Variants in KLHL1 observed in about 807,000 individuals in gnomAD.
The protein encoded by KLHL1 is kelch-like protein 1.
In KLHL1, 47 loss-of-function variants were observed where a neutral mutation model predicts 77.7. That is an observed-to-expected ratio of 0.60 (90% CI 0.48 to 0.77). The LOEUF (loss-of-function observed/expected upper bound fraction) is 0.77, where lower values mean the gene tolerates loss of function less well. Among genes scored for constraint, KLHL1 ranks in the 30% least tolerant of loss-of-function variants. KLHL1 has a pLI of 0.00. For synonymous variants in KLHL1, 360 were observed against 325.2 expected (o/e 1.11, Z -1.15); for missense variants, 925 against 910.8 (o/e 1.02, Z -0.20).
intron 7 of KLHL1, among the ~76,000 whole-genome samples, chr13:69,756,018 A>T (rs868694927): frequency 4.6e-5 from 7 of 152,102 alleles, no homozygotes; most frequent in African/African-American, 1.4e-4. Context: ...TTGGGCCGTT[A>T]GTGGAATTTA....
chr13:69,732,375 T>A (rs1335152771), intron 8 of KLHL1, among the ~76,000 whole-genome samples: 3 of 152,120 alleles, frequency 2.0e-5, no homozygotes, highest in African/African-American at 7.2e-5. Context: ...ATCGTTAAAA[T>A]GAATCTCCAA....
chr13:70,068,142 C>T (rs889941112), intron 1 of KLHL1, among the ~76,000 whole-genome samples: 3 of 151,332 alleles, frequency 2.0e-5, no homozygotes, highest in African/African-American at 7.3e-5. Flanking sequence ...GAGATCGAGA[C>T]CATCCTGGCT....
intron 1 of KLHL1, among the ~76,000 whole-genome samples, chr13:69,996,724 T>C (rs1002974098): frequency 2.0e-5 from 3 of 152,002 alleles, no homozygotes; most frequent in African/African-American, 7.2e-5. Flanking sequence ...CTTTTCCATA[T>C]GTGATATTGC....
intron 1 of KLHL1, among the ~76,000 whole-genome samples, chr13:70,008,440 T>C (rs887604774): frequency 9.9e-5 from 15 of 152,106 alleles, no homozygotes; most frequent in Admixed American, 1.3e-4. Context: ...ATCTATCTAC[T>C]ATGCCTGGTA....
At chr13:70,060,727 T>C (rs1306647952) in intron 1 of KLHL1, among the ~76,000 whole-genome samples, 3 of 151,956 alleles carry the variant, frequency 2.0e-5, no homozygotes, top group African/African-American at 7.3e-5. Context: ...GCGCCTGTAA[T>C]CCCAGCTACT....
At chr13:70,058,494 T>C (rs1189318886) in intron 1 of KLHL1, among the ~76,000 whole-genome samples, 1 of 152,066 alleles carries the variant, frequency 6.6e-6, no homozygotes, top group African/African-American at 2.4e-5. Flanking sequence ...ACAAATAAAA[T>C]ACTTATGAAT....
chr13:69,953,102 TTGAA>T (rs1194870103), intron 3 of KLHL1, among the ~76,000 whole-genome samples: 2 of 151,322 alleles, frequency 1.3e-5, no homozygotes, highest in African/African-American at 2.4e-5. Context: ...ATGTTAATAA[TTGAA>T]TGTTGTAATA....
At chr13:70,048,840 G>A (rs1886562791) in intron 1 of KLHL1, among the ~76,000 whole-genome samples, 1 of 152,192 alleles carries the variant, frequency 6.6e-6, no homozygotes, top group African/African-American at 2.4e-5. Flanking sequence ...GACCAGTACT[G>A]GTCTGTGGGC....
At chr13:70,010,254 A>G (rs112095505) in intron 1 of KLHL1, among the ~76,000 whole-genome samples, 4 of 152,168 alleles carry the variant, frequency 2.6e-5, no homozygotes, top group Admixed American at 2.6e-4. Flanking sequence ...CACTAGTGTT[A>G]TGTATAGAAT....
chr13:69,938,562 G>A (rs1385025303), intron 4 of KLHL1, among the ~76,000 whole-genome samples: 2 of 151,992 alleles, frequency 1.3e-5, no homozygotes, highest in African/African-American at 4.8e-5. Context: ...TATCCCTCTG[G>A]ATATGGAGGC....
chr13:69,929,823 C>A (rs556052353), intron 4 of KLHL1, among the ~76,000 whole-genome samples: 2 of 151,684 alleles, frequency 1.3e-5, no homozygotes, highest in Non-Finnish European at 3.0e-5. Flanking sequence ...CATTACATTG[C>A]CTTTTCTAAA....
intron 6 of KLHL1, among the ~76,000 whole-genome samples, chr13:69,829,495 C>A (rs1316614746): frequency 6.7e-6 from 1 of 149,876 alleles, no homozygotes; most frequent in Non-Finnish European, 1.5e-5. Flanking sequence ...TAAGAAGGAA[C>A]CAGAAAAACA....
chr13:69,800,798 A>G (rs1877341632), intron 6 of KLHL1, among the ~76,000 whole-genome samples: 1 of 152,170 alleles, frequency 6.6e-6, no homozygotes, highest in Non-Finnish European at 1.5e-5. Flanking sequence ...GGACAAAGTC[A>G]GTCGTGAGTA....
intron 3 of KLHL1, among the ~76,000 whole-genome samples, chr13:69,948,095 CA>C (rs202083508): frequency 3.3e-5 from 5 of 149,842 alleles, no homozygotes; most frequent in South Asian, 2.1e-4. Flanking sequence ...AGATTGTTTT[CA>C]AAAAAAAATG....
At chr13:69,957,749 T>C (rs1333793207) in intron 3 of KLHL1, among the ~76,000 whole-genome samples, 2 of 151,820 alleles carry the variant, frequency 1.3e-5, no homozygotes, top group African/African-American at 4.8e-5. Flanking sequence ...TAACACACTC[T>C]CTTTACAAAT....
chr13:69,704,142 A>C (rs1875523870), intron 10 of KLHL1, among the ~76,000 whole-genome samples: 1 of 151,654 alleles, frequency 6.6e-6, no homozygotes, highest in Non-Finnish European at 1.5e-5. Context: ...CTATCTCTAT[A>C]GATGCATGTG....
chr13:69,733,187 CTA>C (rs1215304749), intron 8 of KLHL1, among the ~76,000 whole-genome samples: 1 of 151,446 alleles, frequency 6.6e-6, no homozygotes, highest in African/African-American at 2.4e-5. Context: ...GTAAAAACAT[CTA>C]TAAGAATAAA....
intron 4 of KLHL1, among the ~76,000 whole-genome samples, chr13:69,921,323 T>C (rs1364590645): frequency 6.6e-6 from 1 of 152,208 alleles, no homozygotes; most frequent in African/African-American, 2.4e-5. Context: ...CTGTCCTCCA[T>C]TGTGAGTGCC....
chr13:70,064,096 G>A (rs1400387365), intron 1 of KLHL1, among the ~76,000 whole-genome samples: 1 of 151,962 alleles, frequency 6.6e-6, no homozygotes, highest in Non-Finnish European at 1.5e-5. Context: ...CACAAAGACA[G>A]GCTGAACAAA....
Sources: allele counts gnomAD v4.1 joint callset (sites outside exome capture counted in the v4.1 genomes callset), GRCh38; gene constraint gnomAD v4.1.1; transcripts MANE v1.5; gene names NCBI Gene and HGNC (gene_info 2026-07-23, HGNC 2026-07-21).